The following COG5 variants were observed in gnomAD, a reference collection of about 807,000 sequenced individuals.
The protein encoded by COG5 is component of oligomeric golgi complex 5, also known as conserved oligomeric Golgi complex subunit 5.
COG5 carries 86 observed loss-of-function variants against 110.4 expected under a neutral mutation model. The ratio of observed to expected loss-of-function variants is 0.78; its 90% CI spans 0.65 to 0.93. The LOEUF is 0.93. Ranked by LOEUF, COG5 falls within the 40% of genes least tolerant of loss-of-function variation. The pLI is 0.00. For synonymous variants in COG5, 360 were observed against 334.6 expected (o/e 1.08, Z -0.83); for missense variants, 1,077 against 987.0 (o/e 1.09, Z -1.22).
chr7:107,205,847 G>A (rs1333185319), intron 21 of COG5, among the ~76,000 whole-genome samples: 2 of 152,000 alleles, frequency 1.3e-5, no homozygotes, highest in Admixed American at 1.3e-4. Flanking sequence ...AGTAGGATCC[G>A]GCACTTTGGA....
intron 10 of COG5, among the ~76,000 whole-genome samples, chr7:107,327,079 T>C (rs1433856718): frequency 2.0e-5 from 3 of 151,878 alleles, no homozygotes; most frequent in Non-Finnish European, 4.4e-5. Flanking sequence ...CAAAACAGTA[T>C]GGTACCAGCA....
chr7:107,514,085 C>T (rs1799742504), intron 6 of COG5, among the ~76,000 whole-genome samples: 2 of 151,832 alleles, frequency 1.3e-5, no homozygotes, highest in African/African-American at 2.4e-5. Flanking sequence ...AATATTCTCT[C>T]ATGACACGTG....
intron 7 of COG5, among the ~76,000 whole-genome samples, chr7:107,376,480 A>C (rs999092116): frequency 2.6e-5 from 4 of 152,018 alleles, no homozygotes; most frequent in Non-Finnish European, 5.9e-5. Flanking sequence ...GTTTTCTGTG[A>C]AAAAGTCTTA....
chr7:107,343,103 A>G (rs1811309180), intron 10 of COG5, among the ~76,000 whole-genome samples: 1 of 152,204 alleles, frequency 6.6e-6, no homozygotes, highest in Non-Finnish European at 1.5e-5. Context: ...TATCCTAAGC[A>G]AATTAATACA....
intron 10 of COG5, among the ~76,000 whole-genome samples, chr7:107,355,239 C>T (rs1812518985): frequency 6.6e-6 from 1 of 152,128 alleles, no homozygotes; most frequent in Non-Finnish European, 1.5e-5. Context: ...ATTAGAATAG[C>T]CGATCTCCAA....
chr7:107,306,797 G>C (rs561099453), intron 11 of COG5, among the ~76,000 whole-genome samples: 2 of 152,060 alleles, frequency 1.3e-5, no homozygotes, highest in Non-Finnish European at 2.9e-5. Flanking sequence ...AAAAACAAAG[G>C]CTTCTAGGAA....
chr7:107,389,638 A>T (rs1790468142), intron 7 of COG5, among the ~76,000 whole-genome samples: 1 of 152,164 alleles, frequency 6.6e-6, no homozygotes, highest in Non-Finnish European at 1.5e-5. Context: ...AGGCAACTAT[A>T]ACATCTTAGA....
intron 21 of COG5, among the ~76,000 whole-genome samples, chr7:107,205,196 C>G (rs1798673135): frequency 6.6e-6 from 1 of 152,200 alleles, no homozygotes; most frequent in Non-Finnish European, 1.5e-5. Context: ...GTGCCCTGTT[C>G]TTTATAGGAA....
In COG5 at chr7:107,558,117, T is replaced by C. The variant is rs1371876299; in HGVS notation, c.95-2A>G. The C allele has an allele frequency of 1.2e-6, 2 of 1,613,508 alleles. No homozygotes were observed. ...CGTTTAAAAAGTCACTATAACACCC[T>C]GGATTGGGGAAAAAATAAGGAAAAG... On this transcript the variant is annotated splice_acceptor_variant, in intron 1 of 21. Transcript: ENST00000297135. LOFTEE classifies it high-confidence loss of function.
chr7:107,311,790 A>G (rs1161902146), intron 11 of COG5, among the ~76,000 whole-genome samples: 3 of 152,084 alleles, frequency 2.0e-5, no homozygotes, highest in Non-Finnish European at 4.4e-5. Flanking sequence ...GTGTTAATTA[A>G]AAATTTTTTT....
chr7:107,400,825 C>T (rs1417668839), intron 7 of COG5, among the ~76,000 whole-genome samples: 4 of 152,068 alleles, frequency 2.6e-5, no homozygotes, highest in African/African-American at 9.7e-5. Flanking sequence ...ATGAAAATAA[C>T]ATGACTGCAT....
At chr7:107,480,739 A>C (rs1304220712) in intron 6 of COG5, 1 of 152,206 alleles carries the variant, frequency 6.6e-6, no homozygotes, top group Non-Finnish European at 1.5e-5. Flanking sequence ...TAACAAGCAG[A>C]ATAAATATTA....
intron 3 of COG5, among the ~76,000 whole-genome samples, chr7:107,552,221 C>A (rs934861805): frequency 6.6e-6 from 1 of 152,112 alleles, no homozygotes; most frequent in African/African-American, 2.4e-5. Flanking sequence ...AGCATGTTTT[C>A]AAGATTGCCA....
chr7:107,285,233 G>A (rs151287068), intron 12 of COG5, among the ~76,000 whole-genome samples: 1 of 152,156 alleles, frequency 6.6e-6, no homozygotes, highest in Non-Finnish European at 1.5e-5. Context: ...CCAAGACCAT[G>A]ATGGAAGCAT....
intron 6 of COG5, among the ~76,000 whole-genome samples, chr7:107,511,705 G>C (rs571648235): frequency 6.6e-6 from 1 of 152,310 alleles, no homozygotes; most frequent in Admixed American, 6.5e-5. Flanking sequence ...CCATGATCAA[G>C]TGGGCTTCAT....
intron 10 of COG5, among the ~76,000 whole-genome samples, chr7:107,351,331 T>C (rs533773555): frequency 3.3e-5 from 5 of 152,274 alleles, no homozygotes; most frequent in South Asian, 2.1e-4. Context: ...AAGACTTACA[T>C]GTTAGACCTA....
intron 6 of COG5, among the ~76,000 whole-genome samples, chr7:107,510,198 G>A (rs1302517386): frequency 6.6e-6 from 1 of 151,968 alleles, no homozygotes; most frequent in Non-Finnish European, 1.5e-5. Flanking sequence ...AAGGGATGGA[G>A]GAAGATCTAC....
rs1798425937 is a variant in COG5, at chr7:107,202,679, A to AAAAAC, written c.*832_*836dup. The AAAAAC allele has an allele frequency of 6.6e-6, 1 of 152,194 alleles. No homozygotes were observed. Among genetic ancestry groups the AAAAAC allele is most frequent in the African/African-American group, 2.4e-5 (1 of 41,452 alleles). 9.4% of individuals were successfully genotyped at this position (152,194 alleles called of 1,614,324 possible). A position where few individuals can be genotyped will look rare whatever the true frequency, so the allele number is the denominator to read the frequency against. ...GGCTGCTGATAGGATTTTAAAAATT[A>AAAAAC]AAAACAATGTTAATAGTGGAACAAG... is the stretch of plus-strand genomic sequence containing the variant. On this transcript the variant is annotated 3_prime_UTR_variant, in exon 22 of 22. Transcript: ENST00000297135.
intron 8 of COG5, among the ~76,000 whole-genome samples, chr7:107,366,473 A>G (rs1204905418): frequency 6.6e-6 from 1 of 152,098 alleles, no homozygotes; most frequent in African/African-American, 2.4e-5. Flanking sequence ...CAATGGAAGA[A>G]AACTTTTCTA....
Sources: gnomAD v4.1 joint callset for allele counts (sites outside exome capture counted in the v4.1 genomes callset) on GRCh38, gnomAD v4.1.1 for gene constraint, MANE v1.5 for transcripts, NCBI Gene and HGNC (gene_info 2026-07-23, HGNC 2026-07-21) for gene names.